ADRA1A: variants seen among roughly 807,000 people sequenced by gnomAD.
ADRA1A encodes adrenoceptor alpha 1A.
A neutral mutation model predicts 29.6 loss-of-function variants in ADRA1A; 31 were observed. The observed-to-expected ratio is 1.05, with a 90% confidence interval of 0.79 to 1.41. ADRA1A has a LOEUF of 1.41. Among genes scored for constraint, ADRA1A ranks in the 40% most tolerant of loss-of-function variants. The probability of loss-of-function intolerance (pLI) is 0.00; values close to 1 mark genes in which losing one functional copy is unlikely to be tolerated. For synonymous variants in ADRA1A, 311 were observed against 254.3 expected (o/e 1.22, Z -2.12); for missense variants, 619 against 601.1 (o/e 1.03, Z -0.31).
downstream of ADRA1A, among the ~76,000 whole-genome samples, chr8:26,753,714 C>T (rs1482650759): frequency 6.6e-6 from 1 of 152,192 alleles, no homozygotes; most frequent in Non-Finnish European, 1.5e-5. Flanking sequence ...TTACAATCTA[C>T]CTCATTTAGC....
chr8:26,791,306 ATTTTC>A (rs1807814957), intron 2 of ADRA1A, among the ~76,000 whole-genome samples: 1 of 152,100 alleles, frequency 6.6e-6, no homozygotes. Context: ...GATTTGGAGT[ATTTTC>A]TTAAGTTACA....
chr8:26,818,730 A>C (rs1454273615), intron 2 of ADRA1A, among the ~76,000 whole-genome samples: 2 of 152,158 alleles, frequency 1.3e-5, no homozygotes, highest in African/African-American at 2.4e-5. Context: ...GACTTGATCA[A>C]GGAGAAGAAA....
At chr8:26,808,296 T>A (rs1241682369) in intron 2 of ADRA1A, among the ~76,000 whole-genome samples, 2 of 152,256 alleles carry the variant, frequency 1.3e-5, no homozygotes, top group Non-Finnish European at 2.9e-5. Context: ...TCCCTATCAA[T>A]GTGTAAAGAT....
rs774167863 is a variant in ADRA1A at position 26,864,090 on chromosome 8, T to C, written c.880A>G (p.Ile294Val). The change falls in exon 2 of 3, where the codon ATT becomes GTT. Residue 294 changes from isoleucine to valine, a missense_variant. Coordinates refer to ENST00000380573, the MANE Select transcript of ADRA1A (RefSeq NM_000680.4). The surrounding 1 kb of genome is among the most constrained non-coding windows in gnomAD (Gnocchi z 8.1). ...GTGAGGGGTGTTCAAGACTTACCAATGGGCATGACTAAGAAAAAAGGCAGC... is the reference window on the plus strand; with the variant it reads ...GTGAGGGGTGTTCAAGACTTACCAACGGGCATGACTAAGAAAAAAGGCAGC... Reference protein sequence around the residue: ...CWLPFFLVMPIGSFFPDFKPS... With the variant: ...CWLPFFLVMPVGSFFPDFKPS... 3.1e-6 allele frequency: 5 copies of C among 1,611,990 alleles called. No individual in the cohort carries two copies. Among genetic ancestry groups the C allele is most frequent in the African/African-American group, 1.3e-5 (1 of 74,812 alleles).
intron 2 of ADRA1A, among the ~76,000 whole-genome samples, chr8:26,790,368 TA>T (rs1807726799): frequency 6.6e-6 from 1 of 152,100 alleles, no homozygotes; most frequent in African/African-American, 2.4e-5. Context: ...GAAAGATAAA[TA>T]CCACATGTTC....
chr8:26,816,416 C>A (rs1809762607), intron 2 of ADRA1A, among the ~76,000 whole-genome samples: 1 of 152,226 alleles, frequency 6.6e-6, no homozygotes, highest in Non-Finnish European at 1.5e-5. Context: ...TTAACCAGAG[C>A]ATCAGAGCCC....
At chr8:26,830,338 G>A (rs1160295674) in intron 2 of ADRA1A, among the ~76,000 whole-genome samples, 1 of 152,192 alleles carries the variant, frequency 6.6e-6, no homozygotes, top group Non-Finnish European at 1.5e-5. Context: ...ACTTGGCTGT[G>A]GTATTATGAT....
rs114842884 is a variant in ADRA1A at position 26,758,163 on chromosome 8, G to T, written c.1270-1384C>A. 1.9e-3 allele frequency among the ~76,000 whole-genome samples: 296 copies of T among 152,292 alleles called. 2 individuals carry two copies. The highest frequency in any genetic ancestry group is 6.9e-3 in the African/African-American group (286 of 41,568). The stretch of plus-strand genomic sequence containing the variant: ...GGTGTGGGGAATAACTGAGAGTTGG[G>T]ATTTAGTGCCTAGCACCTTGAATGT... On this transcript the variant is annotated intron_variant, in intron 2 of 2. Transcript: ENST00000380582.
intron 2 of ADRA1A, among the ~76,000 whole-genome samples, chr8:26,863,764 A>G (rs573514): frequency 0.36 from 54,499 of 152,070 alleles, 10,150 homozygotes; most frequent in Non-Finnish European, 0.41. Flanking sequence ...GAGACTAGAG[A>G]GAGCAGATGC....
chr8:26,758,552 C>T (rs977173008), intron 2 of ADRA1A, among the ~76,000 whole-genome samples: 1 of 152,204 alleles, frequency 6.6e-6, no homozygotes, highest in African/African-American at 2.4e-5. Context: ...TCCCATTTCA[C>T]AGGTGAGGAA....
At chr8:26,846,840 C>G (rs947942434) in intron 2 of ADRA1A, among the ~76,000 whole-genome samples, 3 of 152,106 alleles carry the variant, frequency 2.0e-5, no homozygotes, top group Non-Finnish European at 2.9e-5. Flanking sequence ...CAATGATAGA[C>G]TGGATTAAGA....
intron 2 of ADRA1A, among the ~76,000 whole-genome samples, chr8:26,832,398 C>T (rs979036961): frequency 1.3e-5 from 2 of 152,136 alleles, no homozygotes; most frequent in Non-Finnish European, 2.9e-5. Context: ...AATGTGCACT[C>T]TTTGCGGAGG....
chr8:26,779,774 A>G (rs1806821291), intron 2 of ADRA1A, among the ~76,000 whole-genome samples: 1 of 152,128 alleles, frequency 6.6e-6, no homozygotes, highest in African/African-American at 2.4e-5. Context: ...ATGAAGCGGG[A>G]ATGGAATTAG....
Position 26,843,232 on chromosome 8 carries a change from C to T in ADRA1A, c.883+20855G>A, listed in dbSNP as rs985813638. Reference sequence around the variant, plus strand: ...AGAAGACTTAGCTCAGAACCGAGCCCGCAGCAGATGCTCAGTGCTTTGTGA... The same window carrying T: ...AGAAGACTTAGCTCAGAACCGAGCCTGCAGCAGATGCTCAGTGCTTTGTGA... On this transcript the variant is annotated intron_variant, in intron 2 of 2. Transcript: ENST00000380573. 1.3e-4 allele frequency among the ~76,000 whole-genome samples: 20 copies of T among 152,276 alleles called. 1 individual carries two copies. Among genetic ancestry groups the T allele is most frequent in the African/African-American group, 3.4e-4 (14 of 41,544 alleles).
At chr8:26,793,373 TCTC>T (rs1226657618) in intron 2 of ADRA1A, among the ~76,000 whole-genome samples, 1 of 151,918 alleles carries the variant, frequency 6.6e-6, no homozygotes, top group African/African-American at 2.4e-5. Context: ...CCAAAGTTAT[TCTC>T]CTCTGTGAAG....
chr8:26,789,243 C>G (rs957985975), intron 2 of ADRA1A, among the ~76,000 whole-genome samples: 32 of 152,296 alleles, frequency 2.1e-4, no homozygotes, highest in Admixed American at 6.5e-4. Context: ...AGGCAACACA[C>G]TACATGCCTT....
downstream of ADRA1A, among the ~76,000 whole-genome samples, chr8:26,752,815 C>T (rs1804975357): frequency 6.6e-6 from 1 of 152,176 alleles, no homozygotes; most frequent in African/African-American, 2.4e-5. Context: ...AAAAGAACAA[C>T]CTGTAATTGC....
chr8:26,770,736 C>A, intron 2 of ADRA1A, 70 bp from the exon 3 acceptor site: 2 of 1,509,176 alleles, frequency 1.3e-6, no homozygotes, highest in South Asian at 1.3e-5. Flanking sequence ...GGAAAACAAT[C>A]AAACAGACAT....
chr8:26,757,069 T>C, intron 2 of ADRA1A: 1 of 703,314 alleles, frequency 1.4e-6, no homozygotes, highest in Non-Finnish European at 2.6e-6. Flanking sequence ...CTTTTTAATT[T>C]GGGCCAACAC....
Sources: gnomAD v4.1 joint callset for allele counts (sites outside exome capture counted in the v4.1 genomes callset) on GRCh38, gnomAD v4.1.1 for gene constraint, Gnocchi (gnomAD v3.1) non-coding constraint, MANE v1.5 for transcripts, NCBI Gene and HGNC (gene_info 2026-07-23, HGNC 2026-07-21) for gene names.